Variants in TANC2 observed in about 807,000 individuals in gnomAD.
TANC2 encodes the protein tetratricopeptide repeat, ankyrin repeat and coiled-coil containing 2.
A neutral mutation model predicts 210.5 loss-of-function variants in TANC2; 26 were observed. The observed-to-expected ratio is 0.12, with a 90% CI of 0.09 to 0.17. The LOEUF (loss-of-function observed/expected upper bound fraction) is 0.17. Among genes scored for constraint, TANC2 ranks in the 10% least tolerant of loss-of-function variants. The pLI is 1.00. For missense variants in TANC2, 2,129 were observed against 2,608.9 expected (o/e 0.82, Z 4.01); for synonymous variants, 931 against 967.1 (o/e 0.96, Z 0.69).
In TANC2 at chr17:63,418,279, C is replaced by A; in HGVS notation, c.4168-28C>A. The A allele has an allele frequency of 6.3e-7, 1 of 1,588,276 alleles. No homozygotes were observed. Among genetic ancestry groups the A allele is most frequent in the Non-Finnish European group, 8.6e-7 (1 of 1,160,718 alleles). ...TCTATTTTTTATATCTCATCAATGA[C>A]TCATTTGCACACCTATTGTAATGAC... is the stretch of plus-strand genomic sequence containing the variant. On this transcript the variant is annotated intron_variant, in intron 26 of 27. Coordinates refer to ENST00000689528, the Ensembl canonical transcript of TANC2. The surrounding 1 kb of genome is among the most constrained non-coding windows in gnomAD (Gnocchi z 4.6).
At chr17:63,104,478 TC>T (rs2037748548) in intron 4 of TANC2, among the ~76,000 whole-genome samples, 1 of 152,162 alleles carries the variant, frequency 6.6e-6, no homozygotes, top group Non-Finnish European at 1.5e-5. Flanking sequence ...ACAATATGTA[TC>T]AAAATTATAA....
At position 62,966,399 on chromosome 17, in the gene TANC2, C is replaced by A. The variant is rs562439481; in HGVS notation, c.-374C>A. On this transcript the variant is annotated 5_prime_UTR_variant, in exon 1 of 28. Coordinates refer to ENST00000689528, the Ensembl canonical transcript of TANC2. The surrounding 1 kb of genome is among the most constrained non-coding windows in gnomAD (Gnocchi z 5.1). ...GCTGGCGCTGCCCTCCCGCCGCCAC[C>A]GCCCTCCGCGCCTCCTTCGGGCGGC... 1.2e-3 allele frequency among the ~76,000 whole-genome samples: 176 copies of A among 147,822 alleles called. 2 individuals are homozygous for A. The highest frequency in any genetic ancestry group is 5.2e-3 in the South Asian group (25 of 4,820).
chr17:63,044,975 C>T (rs1160246049), intron 2 of TANC2, among the ~76,000 whole-genome samples: 1 of 152,110 alleles, frequency 6.6e-6, no homozygotes, highest in African/African-American at 2.4e-5. Context: ...GCAGGTTCAG[C>T]AAACTGTAGC....
At chr17:63,160,490 A>G (rs1227833494) in intron 5 of TANC2, among the ~76,000 whole-genome samples, 1 of 152,088 alleles carries the variant, frequency 6.6e-6, no homozygotes, top group African/African-American at 2.4e-5. Flanking sequence ...CTATTCCATC[A>G]TTTTTTCTCC....
chr17:63,302,138 G>A (rs929219059), intron 9 of TANC2, among the ~76,000 whole-genome samples: 10 of 152,122 alleles, frequency 6.6e-5, no homozygotes, highest in Middle Eastern at 3.4e-3. Flanking sequence ...TGTGGTCTGA[G>A]AAACTGTTTT....
intron 14 of TANC2, among the ~76,000 whole-genome samples, chr17:63,361,499 G>A (rs2046956398): frequency 1.3e-5 from 2 of 152,268 alleles, no homozygotes; most frequent in African/African-American, 4.8e-5. Context: ...GGCTGCGGTT[G>A]TACCAAACAT....
chr17:63,099,273 G>C, exon 4 of TANC2: 1 of 1,598,100 alleles, frequency 6.3e-7, no homozygotes, highest in Non-Finnish European at 8.5e-7. Flanking sequence ...GATTATGGAG[G>C]GCATGTCTCG....
At chr17:63,218,681 A>G (rs1488471212) in intron 7 of TANC2, among the ~76,000 whole-genome samples, 1 of 152,174 alleles carries the variant, frequency 6.6e-6, no homozygotes, top group Non-Finnish European at 1.5e-5. Flanking sequence ...GGATAGCCTG[A>G]AGTCAGGAGT....
chr17:63,356,630 C>G (rs1038892610), intron 14 of TANC2, among the ~76,000 whole-genome samples: 4 of 152,100 alleles, frequency 2.6e-5, no homozygotes, highest in Non-Finnish European at 5.9e-5. Context: ...AGCATTTTCT[C>G]TGAGAGGGAA....
Position 63,412,021 on chromosome 17 carries a change from G to A in TANC2, c.3789G>A (p.Gly1263=). 6.2e-7 allele frequency: 1 copy of A among 1,613,868 alleles called. No individual in the cohort carries two copies. Among genetic ancestry groups the A allele is most frequent in the Non-Finnish European group, 8.5e-7 (1 of 1,179,878 alleles). Residue 1263 remains glycine (G), a synonymous_variant, in exon 23 of 28, where the codon GGG becomes GGA. Coordinates refer to ENST00000689528, the Ensembl canonical transcript of TANC2. The surrounding 1 kb of genome is among the most constrained non-coding windows in gnomAD (Gnocchi z 4.2). The stretch of plus-strand genomic sequence containing the variant: ...AGGTCCAGTTCCTGGTAGATCATGG[G>A]GCCATGATCGAGCACGTTGACTACA...
At chr17:63,378,981 G>C (rs778141245) in intron 14 of TANC2, among the ~76,000 whole-genome samples, 2 of 152,146 alleles carry the variant, frequency 1.3e-5, no homozygotes, top group Non-Finnish European at 2.9e-5. Context: ...GAGAAGAAAA[G>C]TCTAAATAAA....
At chr17:63,187,592 CAG>C (rs1179464714) in intron 5 of TANC2, among the ~76,000 whole-genome samples, 1 of 151,754 alleles carries the variant, frequency 6.6e-6, no homozygotes, top group Non-Finnish European at 1.5e-5. Context: ...TGTGTATATA[CAG>C]ACACATACAC....
chr17:63,381,700 G>T (rs1293486368), intron 15 of TANC2, among the ~76,000 whole-genome samples: 2 of 152,130 alleles, frequency 1.3e-5, no homozygotes, highest in African/African-American at 2.4e-5. Context: ...TTTTTGCCAT[G>T]ATCTTCAGAT....
chr17:63,403,121 G>C (rs1239541245), intron 19 of TANC2, among the ~76,000 whole-genome samples: 1 of 152,228 alleles, frequency 6.6e-6, no homozygotes, highest in Non-Finnish European at 1.5e-5. Flanking sequence ...CAGAGCCATA[G>C]AATTGTCAGA....
chr17:63,116,811 C>A (rs2038268482), intron 4 of TANC2, among the ~76,000 whole-genome samples: 1 of 152,154 alleles, frequency 6.6e-6, no homozygotes, highest in Non-Finnish European at 1.5e-5. Flanking sequence ...TACATTGCAA[C>A]AAAATCACTG....
At chr17:63,289,606 A>G (rs968571196) in intron 9 of TANC2, among the ~76,000 whole-genome samples, 2 of 152,080 alleles carry the variant, frequency 1.3e-5, no homozygotes, top group Non-Finnish European at 2.9e-5. Flanking sequence ...CATGCTGTCT[A>G]CTTTATCCAT....
At chr17:63,191,184 A>G (rs546458026) in intron 5 of TANC2, among the ~76,000 whole-genome samples, 4 of 152,096 alleles carry the variant, frequency 2.6e-5, no homozygotes, top group Non-Finnish European at 5.9e-5. Context: ...TAGGAAAAAA[A>G]TGAAAATGCG....
chr17:63,083,195 C>T (rs931711416), intron 3 of TANC2, among the ~76,000 whole-genome samples: 6 of 152,178 alleles, frequency 3.9e-5, no homozygotes, highest in Admixed American at 1.3e-4. Flanking sequence ...TTGTCATCTA[C>T]GTGTCATGCA....
intron 9 of TANC2, among the ~76,000 whole-genome samples, chr17:63,280,583 T>C (rs2044030542): frequency 6.6e-6 from 1 of 152,110 alleles, no homozygotes; most frequent in South Asian, 2.1e-4. Context: ...GATGAAAATA[T>C]CTGTCTCCTA....
Sources: allele counts gnomAD v4.1 joint callset (sites outside exome capture counted in the v4.1 genomes callset), GRCh38; gene constraint gnomAD v4.1.1; non-coding constraint Gnocchi (gnomAD v3.1); transcripts MANE v1.5; gene names NCBI Gene and HGNC (gene_info 2026-07-23, HGNC 2026-07-21).